Variants in ADGRL1 observed in about 807,000 individuals in gnomAD.
ADGRL1 encodes the protein CIRL-1.
A neutral mutation model predicts 148.9 loss-of-function variants in ADGRL1; 31 were observed. The ratio of observed to expected loss-of-function variants is 0.21; its 90% CI spans 0.16 to 0.28. The LOEUF (loss-of-function observed/expected upper bound fraction) is 0.28, where lower values mean the gene tolerates loss of function less well. Among genes scored for constraint, ADGRL1 ranks in the 10% least tolerant of loss-of-function variants. The pLI is 1.00. For missense variants in ADGRL1, 1,521 were observed against 2,058.8 expected, an observed-to-expected ratio of 0.74 and a Z score of 5.05; for synonymous variants, 937 against 900.3, an observed-to-expected ratio of 1.04 and a Z score of -0.73.
In ADGRL1 at chr19:14,176,305, C is replaced by T. The variant is rs528132728; in HGVS notation, c.284+1226G>A. On this transcript the variant is annotated intron_variant, in intron 3 of 22. Coordinates refer to ENST00000361434, the MANE Select transcript of ADGRL1 (RefSeq NM_014921.5). ...AGCGGAGGTGGCAGTGAGCCAAGAT[C>T]GCACCACTGCACTCCAGCCTGGGTG... 3.2e-3 allele frequency among the ~76,000 whole-genome samples: 482 copies of T among 151,974 alleles called. 2 individuals carry two copies. Among genetic ancestry groups the T allele is most frequent in the Non-Finnish European group, 5.5e-3 (371 of 67,948 alleles).
At chr19:14,192,027 T>C (rs1400778757) in intron 1 of ADGRL1, among the ~76,000 whole-genome samples, 1 of 152,004 alleles carries the variant, frequency 6.6e-6, no homozygotes, top group Non-Finnish European at 1.5e-5. Context: ...ACCAGTCCTC[T>C]GAGAGTAGGG....
At chr19:14,178,178 C>T (rs1970950112) in intron 2 of ADGRL1, among the ~76,000 whole-genome samples, 1 of 152,076 alleles carries the variant, frequency 6.6e-6, no homozygotes, top group Non-Finnish European at 1.5e-5. Context: ...TTAGGGTAGG[C>T]CCCAATCCAA....
chr19:14,159,695 G>A lies in ADGRL1; in HGVS notation c.1839+40C>T. On this transcript the variant is annotated intron_variant, in intron 9 of 22. Coordinates refer to ENST00000361434, the MANE Select transcript of ADGRL1 (RefSeq NM_014921.5). This position sits in a 1 kb window ranked among gnomAD's most constrained non-coding sequence, Gnocchi z 6.0. The stretch of plus-strand genomic sequence containing the variant: ...TCCACCCCTAATCCCCCCATCAGCT[G>A]GAGCCCACGGTCCTTACACTGGGAC... 1.2e-6 allele frequency: 2 copies of A among 1,608,930 alleles called. No homozygotes were observed. Among genetic ancestry groups the A allele is most frequent in the Middle Eastern group, 1.7e-4 (1 of 6,050 alleles).
intron 3 of ADGRL1, among the ~76,000 whole-genome samples, chr19:14,173,138 T>C (rs1970593590): frequency 6.6e-6 from 1 of 152,114 alleles, no homozygotes; most frequent in Non-Finnish European, 1.5e-5. Context: ...TTTTTGTATT[T>C]TTAGTAGAGA....
rs551416425 is a variant in ADGRL1, at chr19:14,181,059, T to A, written c.70+2474A>T. Among the ~76,000 whole-genome samples the A allele has an allele frequency of 2.2e-4, 33 of 151,680 alleles. 1 individual carries two copies. The highest frequency in any genetic ancestry group is 4.2e-4 in the South Asian group (2 of 4,808). On this transcript the variant is annotated intron_variant, in intron 2 of 22. Coordinates refer to ENST00000361434, the MANE Select transcript of ADGRL1 (RefSeq NM_014921.5). Reference sequence around the variant, plus strand: ...CGAGACTCCATCTCGAAAAAATAAATAAATAAAAAATAAATAAACTGTGAG... The same window carrying A: ...CGAGACTCCATCTCGAAAAAATAAAAAAATAAAAAATAAATAAACTGTGAG...
At chr19:14,187,585 A>G (rs1267498521) in intron 1 of ADGRL1, among the ~76,000 whole-genome samples, 3 of 38,908 alleles carry the variant, frequency 7.7e-5, no homozygotes, top group Non-Finnish European at 1.6e-4. Flanking sequence ...AGCTACCTCC[A>G]GCCCCCAACC....
chr19:14,182,227 A>C (rs964005274), intron 2 of ADGRL1, among the ~76,000 whole-genome samples: 1 of 152,206 alleles, frequency 6.6e-6, no homozygotes, highest in East Asian at 1.9e-4. Flanking sequence ...CAGTGAGATG[A>C]TATGAATGCT....
In ADGRL1 at chr19:14,151,407, G is replaced by A. The variant is rs1266230632; in HGVS notation, c.3876C>T (p.Ser1292=). 4 of 1,611,504 alleles carry A rather than the reference G, an allele frequency of 2.5e-6. No homozygotes were observed. The highest frequency in any genetic ancestry group is 3.3e-5 in the Admixed American group (2 of 59,760). Residue 1292 remains serine (S), a synonymous_variant, in exon 23 of 23, where the codon AGC becomes AGT. Transcript: ENST00000361434. ...ELVHNNLRGS[S]SAAKGPPPPE... ...GCGGTGGAGGGCCCTTGGCCGCGCT[G>A]CTGCTCCCCCGCAGGTTGTTGTGCA...
intron 3 of ADGRL1, among the ~76,000 whole-genome samples, chr19:14,175,178 C>A (rs1325562134): frequency 6.6e-6 from 1 of 152,146 alleles, no homozygotes; most frequent in Non-Finnish European, 1.5e-5. Flanking sequence ...ATCAGCTCTA[C>A]ATGGACTGAC....
At chr19:14,168,035 C>T (rs1490742345) in intron 4 of ADGRL1, among the ~76,000 whole-genome samples, 2 of 152,148 alleles carry the variant, frequency 1.3e-5, no homozygotes, top group African/African-American at 4.8e-5. Flanking sequence ...TCCCACACAT[C>T]ACGTGCCCCC....
In ADGRL1 at chr19:14,160,857, C is replaced by T. The variant is rs779057989; in HGVS notation, c.1511-161G>A. Among the ~76,000 whole-genome samples the T allele has an allele frequency of 2.0e-5, 3 of 152,094 alleles. No homozygotes were observed. The highest frequency in any genetic ancestry group is 4.4e-5 in the Non-Finnish European group (3 of 67,984). On this transcript the variant is annotated intron_variant, in intron 6 of 22. Coordinates refer to ENST00000361434, the MANE Select transcript of ADGRL1 (RefSeq NM_014921.5). The surrounding 1 kb of genome is among the most constrained non-coding windows in gnomAD (Gnocchi z 5.9). The stretch of plus-strand genomic sequence containing the variant: ...ACAGACATGAAGCGGGCTGGACAGT[C>T]GAAAGAGGCGCCACTCACTTCCCCT...
intron 1 of ADGRL1, among the ~76,000 whole-genome samples, chr19:14,202,256 T>G (rs1599530638): frequency 1.4e-5 from 2 of 141,350 alleles, no homozygotes; most frequent in African/African-American, 2.6e-5. Context: ...TTGTTTTGGG[T>G]TTTTTTTTTT....
In ADGRL1 at chr19:14,159,035, TG is replaced by T. The variant is rs1969069060; in HGVS notation, c.2149+54del. 3 of 1,403,148 alleles carry T rather than the reference TG, an allele frequency of 2.1e-6. No individual in the cohort carries two copies. The South Asian group carries it at 3.5e-5, about 16-fold the overall frequency. The allele number at this position is 1,403,148 out of a possible 1,614,324, so 86.9% of individuals were successfully genotyped here. On this transcript the variant is annotated intron_variant, in intron 11 of 22. Coordinates refer to ENST00000361434, the MANE Select transcript of ADGRL1 (RefSeq NM_014921.5). The surrounding 1 kb of genome is among the most constrained non-coding windows in gnomAD (Gnocchi z 6.0). Reference sequence around the variant, plus strand: ...TGGCACAGAGACGCTGGCACAGAGCTGGGGGGTGGGGGTGGGGCTGCTTCCC... The same window carrying T: ...TGGCACAGAGACGCTGGCACAGAGCTGGGGGTGGGGGTGGGGCTGCTTCCC...
intron 1 of ADGRL1, among the ~76,000 whole-genome samples, chr19:14,190,693 C>T (rs1971872707): frequency 6.6e-6 from 1 of 152,232 alleles, no homozygotes; most frequent in East Asian, 1.9e-4. Context: ...TTTTTAGATT[C>T]CACAGATAAG....
rs1408205952 is a variant in ADGRL1 at position 14,159,022 on chromosome 19, G to A, written c.2149+68C>T. ...TGCCCTCTACAAATGGCACAGAGAC[G>A]CTGGCACAGAGCTGGGGGGTGGGGG... On this transcript the variant is annotated intron_variant, in intron 11 of 22. Coordinates refer to ENST00000361434, the MANE Select transcript of ADGRL1 (RefSeq NM_014921.5). This position sits in a 1 kb window ranked among gnomAD's most constrained non-coding sequence, Gnocchi z 6.0. 5 of 1,588,682 alleles carry A rather than the reference G, an allele frequency of 3.1e-6. No individual in the cohort carries two copies. The highest frequency in any genetic ancestry group is 3.4e-5 in the Admixed American group (2 of 59,254).
intron 4 of ADGRL1, among the ~76,000 whole-genome samples, chr19:14,167,806 G>T (rs766788017): frequency 2.0e-5 from 3 of 152,086 alleles, no homozygotes; most frequent in Admixed American, 6.5e-5. Context: ...GACAGCAAGT[G>T]GGGGCACAGA....
chr19:14,160,310 G>A lies in ADGRL1; in HGVS notation c.1615-13C>T. On this transcript the variant is annotated splice_polypyrimidine_tract_variant and intron_variant, in intron 7 of 22. Coordinates refer to ENST00000361434, the MANE Select transcript of ADGRL1 (RefSeq NM_014921.5). This position sits in a 1 kb window ranked among gnomAD's most constrained non-coding sequence, Gnocchi z 5.9. ...CCCCACTCTTGATCTGCATGAGGTG[G>A]GGGCGGGAAGGGGGAATCCCAGGAC... 6.3e-7 allele frequency: 1 copy of A among 1,579,698 alleles called. No homozygotes were observed. The highest frequency in any genetic ancestry group is 8.7e-7 in the Non-Finnish European group (1 of 1,154,840).
rs1399127633 is a variant in ADGRL1, at chr19:14,161,170, A to C, written c.1510+142T>G. ...CACTGAGTGGCTCCTGTGCCCTGAG[A>C]GCTCTGCTGGTCACTGGGGATGACC... On this transcript the variant is annotated intron_variant, in intron 6 of 22. Coordinates refer to ENST00000361434, the MANE Select transcript of ADGRL1 (RefSeq NM_014921.5). The surrounding 1 kb of genome is among the most constrained non-coding windows in gnomAD (Gnocchi z 4.4). 1 of 834,768 alleles carries C rather than the reference A, an allele frequency of 1.2e-6. No homozygotes were observed. The highest frequency in any genetic ancestry group is 1.8e-6 in the Non-Finnish European group (1 of 568,050). 51.7% of individuals were successfully genotyped at this position (834,768 alleles called of 1,614,324 possible).
intron 4 of ADGRL1, 35 bp from the exon 5 acceptor site, chr19:14,163,441 G>A (rs1159567253): frequency 6.9e-7 from 1 of 1,450,256 alleles, no homozygotes; most frequent in African/African-American, 1.4e-5. Flanking sequence ...GGAGGTAGGA[G>A]AGAAGGGGCA....
Sources: allele counts gnomAD v4.1 joint callset (sites outside exome capture counted in the v4.1 genomes callset), GRCh38; gene constraint gnomAD v4.1.1; non-coding constraint Gnocchi (gnomAD v3.1); transcripts MANE v1.5; gene names NCBI Gene and HGNC (gene_info 2026-07-23, HGNC 2026-07-21).